The following DIP2B variants were observed in gnomAD, a reference collection of about 807,000 sequenced individuals.
DIP2B encodes disco-interacting protein 2 homolog B.
In DIP2B, 76 loss-of-function variants were observed where a neutral mutation model predicts 198.0. The ratio of observed to expected loss-of-function variants is 0.38; its 90% CI spans 0.32 to 0.46. The LOEUF is 0.46. DIP2B is among the 20% of genes least tolerant of loss of function. The probability of loss-of-function intolerance (pLI) is 0.99; values close to 1 mark genes in which losing one functional copy is unlikely to be tolerated. For missense variants in DIP2B, 1,559 were observed against 1,978.4 expected (o/e 0.79, Z 4.02); for synonymous variants, 701 against 739.1 (o/e 0.95, Z 0.84).
At chr12:50,726,559 C>T (rs1240251590) in intron 28 of DIP2B, among the ~76,000 whole-genome samples, 1 of 151,976 alleles carries the variant, frequency 6.6e-6, no homozygotes, top group Non-Finnish European at 1.5e-5. Flanking sequence ...CCATGTTGGC[C>T]AGGCTGGTCT....
At chr12:50,510,080 A>G (rs796693892) in intron 1 of DIP2B, among the ~76,000 whole-genome samples, 5 of 152,314 alleles carry the variant, frequency 3.3e-5, no homozygotes, top group African/African-American at 1.2e-4. Flanking sequence ...GTAAAGTTTC[A>G]TTTATAGGTC....
At chr12:50,518,540 C>T (rs1175511719) in intron 1 of DIP2B, among the ~76,000 whole-genome samples, 1 of 152,160 alleles carries the variant, frequency 6.6e-6, no homozygotes, top group African/African-American at 2.4e-5. Context: ...TGTTTCTAAT[C>T]TTAACAACTC....
In DIP2B at chr12:50,674,585, T is replaced by C; in HGVS notation, c.752T>C (p.Met251Thr). The C allele has an allele frequency of 6.2e-7, 1 of 1,614,218 alleles. No individual in the cohort carries two copies. The highest frequency in any genetic ancestry group is 1.1e-5 in the South Asian group (1 of 91,084). Residue 251 changes from methionine to threonine, a missense_variant, in exon 6 of 38, where the codon ATG becomes ACG. By Grantham distance (81) the Met-to-Thr change is moderately conservative. Transcript: ENST00000301180. ...DLPPSGIVKG[M>T]HKGSNRSSLM... ...CCCCCCTCGGGGATAGTTAAAGGCA[T>C]GCACAAAGGATCCAACAGGTCCAGC...
chr12:50,642,775 C>T (rs554145485), intron 3 of DIP2B, among the ~76,000 whole-genome samples: 2 of 152,102 alleles, frequency 1.3e-5, no homozygotes, highest in South Asian at 4.2e-4. Flanking sequence ...GGCGACTGAG[C>T]GAGACTCTGT....
intron 34 of DIP2B, among the ~76,000 whole-genome samples, chr12:50,736,242 C>T (rs951134896): frequency 2.0e-5 from 3 of 152,204 alleles, no homozygotes; most frequent in Admixed American, 6.5e-5. Context: ...TGCCTTGTCA[C>T]ATCTTCACTT....
At chr12:50,736,115 G>A (rs1940134483) in intron 34 of DIP2B, among the ~76,000 whole-genome samples, 1 of 152,060 alleles carries the variant, frequency 6.6e-6, no homozygotes, top group South Asian at 2.1e-4. Flanking sequence ...ATTGTGGAGG[G>A]AAAAAAAGAA....
chr12:50,513,218 AT>A (rs1038146513), intron 1 of DIP2B, among the ~76,000 whole-genome samples: 3 of 152,196 alleles, frequency 2.0e-5, no homozygotes, highest in African/African-American at 7.2e-5. Flanking sequence ...GAAGTGATGA[AT>A]GGAATCAATT....
At chr12:50,547,014 C>T (rs756857550) in intron 1 of DIP2B, among the ~76,000 whole-genome samples, 2 of 152,150 alleles carry the variant, frequency 1.3e-5, no homozygotes, top group African/African-American at 2.4e-5. Flanking sequence ...TTCACCTTAC[C>T]TCCTTATTTT....
chr12:50,593,456 G>C (rs1277773189), intron 1 of DIP2B, among the ~76,000 whole-genome samples: 1 of 151,482 alleles, frequency 6.6e-6, no homozygotes, highest in Non-Finnish European at 1.5e-5. Context: ...AGTGAGCTGA[G>C]ATCGCGCTGC....
chr12:50,715,972 C>T (rs1426710182), intron 23 of DIP2B, among the ~76,000 whole-genome samples: 3 of 152,224 alleles, frequency 2.0e-5, no homozygotes, highest in African/African-American at 4.8e-5. Flanking sequence ...GGAGTTACTG[C>T]TTTCAGTATC....
intron 23 of DIP2B, among the ~76,000 whole-genome samples, chr12:50,718,250 C>T (rs539868181): frequency 1.3e-5 from 2 of 152,306 alleles, no homozygotes; most frequent in African/African-American, 4.8e-5. Context: ...CTCCCTCAGG[C>T]CTTGTAGATG....
At chr12:50,567,871 G>A (rs1376197590) in intron 1 of DIP2B, among the ~76,000 whole-genome samples, 1 of 152,016 alleles carries the variant, frequency 6.6e-6, no homozygotes, top group East Asian at 1.9e-4. Context: ...TTTCCGTTTG[G>A]GTATCTGTTG....
chr12:50,664,387 T>A (rs994965894), intron 4 of DIP2B, among the ~76,000 whole-genome samples: 2 of 152,356 alleles, frequency 1.3e-5, no homozygotes, highest in African/African-American at 4.8e-5. Flanking sequence ...TTAGAAAATT[T>A]AAATTCTCTA....
chr12:50,729,462 C>T (rs1939997424), intron 30 of DIP2B, among the ~76,000 whole-genome samples: 1 of 152,062 alleles, frequency 6.6e-6, no homozygotes, highest in African/African-American at 2.4e-5. Context: ...AGGTGGAGAC[C>T]ACACCACCAG....
At chr12:50,613,723 C>A (rs1937646688) in intron 1 of DIP2B, among the ~76,000 whole-genome samples, 1 of 152,174 alleles carries the variant, frequency 6.6e-6, no homozygotes, top group African/African-American at 2.4e-5. Flanking sequence ...AGCGCAGATA[C>A]CACATTCCCA....
chr12:50,657,330 A>C (rs1230754382), intron 3 of DIP2B, among the ~76,000 whole-genome samples: 1 of 152,112 alleles, frequency 6.6e-6, no homozygotes, highest in East Asian at 1.9e-4. Context: ...TATAGTCTCA[A>C]AAGTATCCTC....
chr12:50,717,896 C>CTTTTTTT (rs60627093), intron 23 of DIP2B, among the ~76,000 whole-genome samples: 15 of 87,060 alleles, frequency 1.7e-4, no homozygotes, highest in Non-Finnish European at 1.9e-4. Context: ...CCATTATTCA[C>CTTTTTTT]TTTTTTTTTT....
chr12:50,623,503 C>A, intron 1 of DIP2B, among the ~76,000 whole-genome samples: 1 of 128,392 alleles, frequency 7.8e-6, no homozygotes. Flanking sequence ...TAGTATATAG[C>A]CTTCCAGACA....
chr12:50,627,824 C>T (rs953368733), intron 2 of DIP2B, among the ~76,000 whole-genome samples: 2 of 152,196 alleles, frequency 1.3e-5, no homozygotes, highest in African/African-American at 2.4e-5. Context: ...AGAAGGCATA[C>T]GATGACAACT....
Sources: allele counts gnomAD v4.1 joint callset (sites outside exome capture counted in the v4.1 genomes callset), GRCh38; gene constraint gnomAD v4.1.1; transcripts MANE v1.5; gene names NCBI Gene and HGNC (gene_info 2026-07-23, HGNC 2026-07-21).